ECPAS: variants seen among roughly 807,000 people sequenced by gnomAD.
The protein encoded by ECPAS is proteasome adapter and scaffold protein ECM29.
In ECPAS, 70 loss-of-function variants were observed where a neutral mutation model predicts 255.1. That is an observed-to-expected ratio of 0.27 (90% CI 0.23 to 0.33). ECPAS has a LOEUF of 0.33. Ranked by LOEUF, ECPAS falls within the 10% of genes least tolerant of loss-of-function variation. The pLI, the probability that ECPAS is intolerant of heterozygous loss-of-function variation, is 1.00. For missense variants in ECPAS, 1,817 were observed against 2,206.4 expected (o/e 0.82, Z 3.54); for synonymous variants, 784 against 775.0 (o/e 1.01, Z -0.19).
chr9:111,451,399 T>C, intron 3 of ECPAS, 26 bp downstream of exon 3: 1 of 1,551,800 alleles, frequency 6.4e-7, no homozygotes, highest in Non-Finnish European at 8.7e-7. Context: ...ATCATTTAAT[T>C]CCCCCAGCTG....
intron 2 of ECPAS, among the ~76,000 whole-genome samples, chr9:111,458,657 G>T (rs989918707): frequency 2.0e-5 from 3 of 151,596 alleles, no homozygotes; most frequent in African/African-American, 7.3e-5. Flanking sequence ...GGTGGGGGGG[G>T]TGTTAGAAAT....
intron 25 of ECPAS, among the ~76,000 whole-genome samples, chr9:111,395,231 A>G (rs2098165881): frequency 6.6e-6 from 1 of 152,136 alleles, no homozygotes; most frequent in South Asian, 2.1e-4. Flanking sequence ...CTACAATTAT[A>G]AAACCAACAA....
intron 7 of ECPAS, among the ~76,000 whole-genome samples, chr9:111,435,055 C>T (rs954059829): frequency 5.3e-5 from 8 of 151,678 alleles, no homozygotes; most frequent in East Asian, 1.9e-4. Flanking sequence ...TGCACCACCA[C>T]GCCCAGCTAA....
At position 111,413,950 on chromosome 9, in the gene ECPAS, G is replaced by A. The variant is rs1467792139; in HGVS notation, c.2024C>T (p.Ser675Leu). Residue 675 changes from serine to leucine, a missense_variant, in exon 20 of 50, where the codon TCA becomes TTA. Physicochemically the swap from Ser to Leu is moderately radical, Grantham distance 145 (BLOSUM62 -2). Coordinates refer to ENST00000684092, the MANE Select transcript of ECPAS (RefSeq NM_001364929.1). Reference sequence around the variant, plus strand: ...GGTAGCCAGCTTTTCTGGATACACTGACACAGCTTCCAATAGACAGTACAT... The same window carrying A: ...GGTAGCCAGCTTTTCTGGATACACTAACACAGCTTCCAATAGACAGTACAT... ...PVMYCLLEAV[S>L]VYPEKLATKF... 1 of 1,589,378 alleles carries A rather than the reference G, an allele frequency of 6.3e-7. No homozygotes were observed. The highest frequency in any genetic ancestry group is 1.1e-5 in the South Asian group (1 of 87,112).
intron 3 of ECPAS, among the ~76,000 whole-genome samples, chr9:111,451,095 A>T (rs1199970155): frequency 1.3e-5 from 2 of 152,198 alleles, no homozygotes; most frequent in East Asian, 3.8e-4. Flanking sequence ...AATTAACTAA[A>T]GAATATTTTT....
At chr9:111,366,369 G>T in intron 47 of ECPAS, 42 bp from the exon 48 acceptor site, 1 of 1,469,586 alleles carries the variant, frequency 6.8e-7, no homozygotes, top group Non-Finnish European at 9.3e-7. Flanking sequence ...CAATTATTAA[G>T]AAACAGTCTA....
At chr9:111,389,414 A>C in intron 31 of ECPAS, 142 bp downstream of exon 31, 1 of 700,742 alleles carries the variant, frequency 1.4e-6, no homozygotes, top group Non-Finnish European at 2.2e-6. Context: ...GAAGGAAGAA[A>C]GCATGGAATG....
rs534638225 is a variant in ECPAS, at chr9:111,468,390, AATT to A, written c.22+4504_22+4506del. Among the ~76,000 whole-genome samples the A allele has an allele frequency of 1.5e-4, 23 of 152,292 alleles. No homozygotes were observed. The South Asian group carries it at 4.8e-3, about 32-fold the overall frequency. On this transcript the variant is annotated intron_variant, in intron 2 of 49. Coordinates refer to ENST00000684092, the MANE Select transcript of ECPAS (RefSeq NM_001364929.1). ...GTCCAATGCTCCTTCTAGCACACTA[AATT>A]ATAACATGGTTTAAGCGAGAAAGTA...
intron 8 of ECPAS, among the ~76,000 whole-genome samples, chr9:111,432,268 C>T (rs1023756234): frequency 1.3e-5 from 2 of 152,172 alleles, no homozygotes; most frequent in African/African-American, 4.8e-5. Context: ...TTATTGCAAA[C>T]TGCTTTCCAA....
At chr9:111,479,938 G>T (rs957526117) in intron 1 of ECPAS, among the ~76,000 whole-genome samples, 1 of 143,778 alleles carries the variant, frequency 7.0e-6, no homozygotes, top group African/African-American at 2.6e-5. Context: ...GAGATCGCGC[G>T]CCACTGCACA....
At position 111,484,108 on chromosome 9, in the gene ECPAS, C is replaced by A; in HGVS notation, c.-83+8G>T. ...CAGTCCCCCGCGGCCCGGGGGCGGG[C>A]CTCTGACCTGAGTCGGAGCCGGTCT... On this transcript the variant is annotated splice_region_variant and intron_variant, in intron 1 of 49. Transcript: ENST00000684092. 1 of 1,422,108 alleles carries A rather than the reference C, an allele frequency of 7.0e-7. No individual in the cohort carries two copies. The highest frequency in any genetic ancestry group is 1.4e-5 in the South Asian group (1 of 72,952). 88.1% of individuals were successfully genotyped at this position (1,422,108 alleles called of 1,614,324 possible).
In ECPAS at chr9:111,383,227, C is replaced by A; in HGVS notation, c.3787G>T (p.Glu1263Ter). The change falls in exon 35 of 50, where the codon GAA (glutamate) becomes TAA (stop). Residue 1263 changes from glutamate to a stop codon, truncating the protein, a stop_gained. Coordinates refer to ENST00000684092, the MANE Select transcript of ECPAS (RefSeq NM_001364929.1). LOFTEE classifies it high-confidence loss of function. ...LDKGMMSTVT[E>*]VRALSINTLV... ...GATGCACACCTGAGGGCTCGAACTT[C>A]CGTCACGGTGCTCATCATTCCTTTG... 6.2e-7 allele frequency: 1 copy of A among 1,613,850 alleles called. No homozygotes were observed. The highest frequency in any genetic ancestry group is 8.5e-7 in the Non-Finnish European group (1 of 1,179,838).
intron 2 of ECPAS, among the ~76,000 whole-genome samples, chr9:111,456,814 C>T (rs1300036711): frequency 6.6e-6 from 1 of 152,140 alleles, no homozygotes; most frequent in Non-Finnish European, 1.5e-5. Context: ...TGCGTAAGAG[C>T]TTGGTGGTCA....
At chr9:111,455,495 G>A (rs1016617268) in intron 2 of ECPAS, among the ~76,000 whole-genome samples, 1 of 152,146 alleles carries the variant, frequency 6.6e-6, no homozygotes, top group Non-Finnish European at 1.5e-5. Flanking sequence ...GAAAAAGAAA[G>A]AAAGAAAGAA....
chr9:111,412,244 G>A, intron 20 of ECPAS, 96 bp from the exon 21 acceptor site: 1 of 1,026,628 alleles, frequency 9.7e-7, no homozygotes, highest in Non-Finnish European at 1.3e-6. Flanking sequence ...TCAATCTGTT[G>A]ATGGATATTG....
Position 111,468,494 on chromosome 9 carries a change from T to A in ECPAS, c.22+4403A>T, listed in dbSNP as rs535721953. ...AAACCAGCAGAGATGCAGCAGTTAC[T>A]GCCGAGAGAAGGAAAGGAAGAGAAC... is the stretch of plus-strand genomic sequence containing the variant. On this transcript the variant is annotated intron_variant, in intron 2 of 49. Transcript: ENST00000684092. 2.1e-4 allele frequency among the ~76,000 whole-genome samples: 32 copies of A among 152,156 alleles called. No homozygotes were observed. In the South Asian group the frequency reaches 6.0e-3, roughly 29 times the overall value.
At chr9:111,422,812 G>A (rs1475861701) in intron 13 of ECPAS, among the ~76,000 whole-genome samples, 2 of 152,132 alleles carry the variant, frequency 1.3e-5, no homozygotes, top group East Asian at 3.9e-4. Context: ...GGGCCACTCA[G>A]AATCATAAAC....
At chr9:111,465,837 C>G (rs2098278827) in intron 2 of ECPAS, among the ~76,000 whole-genome samples, 2 of 151,330 alleles carry the variant, frequency 1.3e-5, no homozygotes, top group Non-Finnish European at 2.9e-5. Flanking sequence ...AGTTTGAGAC[C>G]AGCCTCGGCA....
chr9:111,382,820 A>G (rs1303996201), intron 35 of ECPAS, among the ~76,000 whole-genome samples: 1 of 152,244 alleles, frequency 6.6e-6, no homozygotes, highest in Non-Finnish European at 1.5e-5. Flanking sequence ...GTCATATATT[A>G]TATCAAAACG....
Sources: allele counts gnomAD v4.1 joint callset (sites outside exome capture counted in the v4.1 genomes callset), GRCh38; gene constraint gnomAD v4.1.1; transcripts MANE v1.5; gene names NCBI Gene and HGNC (gene_info 2026-07-23, HGNC 2026-07-21).